EYA2: variants seen among roughly 807,000 people sequenced by gnomAD.
EYA2 encodes EYA transcriptional coactivator and phosphatase 2.
A neutral mutation model predicts 69.2 loss-of-function variants in EYA2; 31 were observed. The ratio of observed to expected loss-of-function variants is 0.45; its 90% confidence interval spans 0.34 to 0.60. The LOEUF (loss-of-function observed/expected upper bound fraction) is 0.60, where lower values mean the gene tolerates loss of function less well. Ranked by LOEUF, EYA2 falls within the 20% of genes least tolerant of loss-of-function variation. EYA2 has a pLI of 0.02. For missense variants in EYA2, 622 were observed against 701.2 expected (o/e 0.89, Z 1.28); for synonymous variants, 257 against 279.4 (o/e 0.92, Z 0.80).
intron 5 of EYA2, among the ~76,000 whole-genome samples, chr20:47,022,461 CTG>C (rs1379321311): frequency 6.6e-6 from 1 of 151,922 alleles, no homozygotes; most frequent in Non-Finnish European, 1.5e-5. Flanking sequence ...TTACAGGCGC[CTG>C]CCACCACACC....
intron 9 of EYA2, among the ~76,000 whole-genome samples, chr20:47,107,521 G>C (rs150498397): frequency 4.8e-5 from 2 of 41,922 alleles, no homozygotes; most frequent in Non-Finnish European, 9.6e-5. Flanking sequence ...GTGAGACTCT[G>C]TATCAAAAAA....
chr20:47,077,837 T>C (rs988946337), intron 7 of EYA2, among the ~76,000 whole-genome samples: 1 of 152,216 alleles, frequency 6.6e-6, no homozygotes, highest in African/African-American at 2.4e-5. Flanking sequence ...TCTGTCATCA[T>C]CTTGAATTAT....
At chr20:47,143,500 T>C (rs1045361551) in intron 10 of EYA2, among the ~76,000 whole-genome samples, 1 of 152,216 alleles carries the variant, frequency 6.6e-6, no homozygotes, top group African/African-American at 2.4e-5. Flanking sequence ...GGCAAATTAG[T>C]ACAGATCCTC....
chr20:47,099,404 A>T (rs1276266709), intron 9 of EYA2, among the ~76,000 whole-genome samples: 1 of 152,150 alleles, frequency 6.6e-6, no homozygotes, highest in African/African-American at 2.4e-5. Flanking sequence ...GATAGTGTGT[A>T]CCTTTGGTCC....
At chr20:46,937,649 ATTTTT>A (rs5841661) in intron 1 of EYA2, among the ~76,000 whole-genome samples, 3 of 128,434 alleles carry the variant, frequency 2.3e-5, no homozygotes, top group African/African-American at 5.8e-5. Flanking sequence ...TCATGCCTTG[ATTTTT>A]TTTTTTTTTT....
At chr20:47,131,114 C>CT (rs1306997408) in intron 9 of EYA2, among the ~76,000 whole-genome samples, 3 of 152,118 alleles carry the variant, frequency 2.0e-5, no homozygotes, top group East Asian at 1.9e-4. Flanking sequence ...CAAAAATACT[C>CT]TATGTTTACT....
intron 1 of EYA2, among the ~76,000 whole-genome samples, chr20:46,987,359 G>C (rs185986342): frequency 6.6e-6 from 1 of 152,132 alleles, no homozygotes; most frequent in African/African-American, 2.4e-5. Context: ...TGTGAAAGCC[G>C]TTCCAGACTT....
At chr20:47,187,258 A>G (rs2034662613) in intron 15 of EYA2, among the ~76,000 whole-genome samples, 1 of 151,634 alleles carries the variant, frequency 6.6e-6, no homozygotes. Flanking sequence ...TGTCCCAGCT[A>G]CCCGGGAGGC....
chr20:47,108,283 G>A (rs1038030101), intron 9 of EYA2, among the ~76,000 whole-genome samples: 5 of 152,064 alleles, frequency 3.3e-5, no homozygotes, highest in South Asian at 4.1e-4. Flanking sequence ...CTTAGTTCCC[G>A]TGAGAACTCG....
chr20:46,970,132 T>A (rs1980049299), intron 1 of EYA2, among the ~76,000 whole-genome samples: 1 of 152,244 alleles, frequency 6.6e-6, no homozygotes, highest in Admixed American at 6.5e-5. Context: ...CGACTGCAGT[T>A]CTTGGTGAAG....
chr20:47,103,661 A>G (rs1166863334), intron 9 of EYA2, among the ~76,000 whole-genome samples: 3 of 151,614 alleles, frequency 2.0e-5, no homozygotes. Context: ...CATAGTGACA[A>G]CCCACCCACC....
At chr20:47,120,187 G>A (rs2033008345) in intron 9 of EYA2, among the ~76,000 whole-genome samples, 1 of 151,976 alleles carries the variant, frequency 6.6e-6, no homozygotes, top group Admixed American at 6.6e-5. Context: ...CAGCCTGGAT[G>A]ACAGAGCAAG....
chr20:47,014,644 G>GTA (rs1281739666), intron 4 of EYA2, among the ~76,000 whole-genome samples: 12 of 151,322 alleles, frequency 7.9e-5, no homozygotes, highest in Non-Finnish European at 1.6e-4. Flanking sequence ...GTGTGTGTGT[G>GTA]TGTGTGTGTG....
At chr20:46,952,618 G>T (rs931704914) in intron 1 of EYA2, among the ~76,000 whole-genome samples, 1 of 152,194 alleles carries the variant, frequency 6.6e-6, no homozygotes, top group Non-Finnish European at 1.5e-5. Context: ...TAGAGCTCCT[G>T]TTTGGTCCAG....
At chr20:47,126,168 C>A (rs1028408040) in intron 9 of EYA2, among the ~76,000 whole-genome samples, 19 of 152,216 alleles carry the variant, frequency 1.2e-4, no homozygotes, top group African/African-American at 4.6e-4. Flanking sequence ...AGGAAAGGGC[C>A]TGGGATTGCA....
chr20:46,999,874 G>A (rs999714642), intron 2 of EYA2, among the ~76,000 whole-genome samples: 6 of 152,188 alleles, frequency 3.9e-5, no homozygotes, highest in African/African-American at 9.7e-5. Flanking sequence ...TAATGGCATC[G>A]CGTGCTCAGA....
intron 1 of EYA2, among the ~76,000 whole-genome samples, chr20:46,903,413 G>A (rs1185852494): frequency 6.6e-6 from 1 of 152,148 alleles, no homozygotes; most frequent in Non-Finnish European, 1.5e-5. Flanking sequence ...AGGCTTACTC[G>A]GCCGACAGCA....
chr20:46,955,703 A>G (rs1045703725), intron 1 of EYA2, among the ~76,000 whole-genome samples: 3 of 152,224 alleles, frequency 2.0e-5, no homozygotes, highest in African/African-American at 7.2e-5. Flanking sequence ...ACAATTTGCT[A>G]GTCTCCACTT....
At chr20:47,033,869 GA>G (rs1442585849) in intron 5 of EYA2, among the ~76,000 whole-genome samples, 2 of 152,178 alleles carry the variant, frequency 1.3e-5, no homozygotes, top group East Asian at 3.9e-4. Context: ...GGATATTGGG[GA>G]TGTTTGTTAC....
Sources: allele counts gnomAD v4.1 joint callset (sites outside exome capture counted in the v4.1 genomes callset), GRCh38; gene constraint gnomAD v4.1.1; transcripts MANE v1.5; gene names NCBI Gene and HGNC (gene_info 2026-07-23, HGNC 2026-07-21).